Variants in ZNF407 observed in about 807,000 individuals in gnomAD.
ZNF407 encodes zinc finger protein 407.
Under a neutral mutation model 131.2 loss-of-function variants are expected in ZNF407, and 17 were observed. That is an observed-to-expected ratio of 0.13 (90% CI 0.09 to 0.19). The LOEUF is 0.19. Among genes scored for constraint, ZNF407 ranks in the 10% least tolerant of loss-of-function variants. The probability of loss-of-function intolerance (pLI) is 1.00; values close to 1 mark genes in which losing one functional copy is unlikely to be tolerated. For missense variants in ZNF407, 2,681 were observed against 2,830.6 expected (o/e 0.95, Z 1.20); for synonymous variants, 1,156 against 1,062.0 (o/e 1.09, Z -1.72).
intron 4 of ZNF407, among the ~76,000 whole-genome samples, chr18:74,817,021 T>C (rs1383723069): frequency 6.6e-6 from 1 of 152,208 alleles, no homozygotes; most frequent in East Asian, 1.9e-4. Flanking sequence ...AGGGTTGATT[T>C]TTTATTGATC....
At chr18:75,059,051 C>T (rs1973594672) in intron 8 of ZNF407, among the ~76,000 whole-genome samples, 1 of 152,202 alleles carries the variant, frequency 6.6e-6, no homozygotes, top group Admixed American at 6.5e-5. Flanking sequence ...CTCGCTGGGC[C>T]TGTGCGTGTG....
chr18:74,935,885 G>A (rs1972033992), intron 8 of ZNF407, among the ~76,000 whole-genome samples: 1 of 152,146 alleles, frequency 6.6e-6, no homozygotes, highest in Non-Finnish European at 1.5e-5. Context: ...TCTGTTTGTT[G>A]TCTTTTAATG....
At chr18:74,781,593 C>T (rs1270184874) in intron 4 of ZNF407, 91 bp downstream of exon 4, 1 of 902,310 alleles carries the variant, frequency 1.1e-6, no homozygotes, top group African/African-American at 1.8e-5. Flanking sequence ...ACTTTTTTTT[C>T]ACATCAGTTA....
intron 3 of ZNF407, among the ~76,000 whole-genome samples, chr18:74,773,710 A>G (rs1344371961): frequency 6.6e-6 from 1 of 152,232 alleles, no homozygotes; most frequent in Non-Finnish European, 1.5e-5. Flanking sequence ...ATGAAAAGAT[A>G]TACTGATTGT....
intron 4 of ZNF407, among the ~76,000 whole-genome samples, chr18:74,840,532 C>T (rs1357633813): frequency 2.0e-5 from 3 of 152,272 alleles, no homozygotes. Flanking sequence ...GTGCTTGCCT[C>T]TCTTACAGAT....
At chr18:74,883,891 G>A (rs575844907) in intron 6 of ZNF407, among the ~76,000 whole-genome samples, 14 of 152,288 alleles carry the variant, frequency 9.2e-5, no homozygotes, top group Non-Finnish European at 1.6e-4. Context: ...AATAGGTACT[G>A]TTATGTAGGA....
At chr18:74,918,347 G>A (rs1225885833) in intron 7 of ZNF407, among the ~76,000 whole-genome samples, 1 of 152,210 alleles carries the variant, frequency 6.6e-6, no homozygotes, top group African/African-American at 2.4e-5. Flanking sequence ...TACAGCCTGT[G>A]TAGCCAGCTC....
chr18:74,841,667 G>A (rs556201414), intron 4 of ZNF407, among the ~76,000 whole-genome samples: 1 of 152,348 alleles, frequency 6.6e-6, no homozygotes, highest in South Asian at 2.1e-4. Flanking sequence ...ATCATTTCAA[G>A]GCTTCTATGC....
intron 8 of ZNF407, among the ~76,000 whole-genome samples, chr18:75,058,842 C>T (rs544332193): frequency 6.2e-4 from 94 of 152,346 alleles, no homozygotes; most frequent in Non-Finnish European, 1.1e-3. Flanking sequence ...TTAAATGACA[C>T]TTGAACTTCT....
intron 3 of ZNF407, among the ~76,000 whole-genome samples, chr18:74,734,943 A>G (rs571068351): frequency 6.6e-6 from 1 of 152,224 alleles, no homozygotes; most frequent in East Asian, 1.9e-4. Context: ...TGGGCTACTT[A>G]CCTCTTAGTT....
chr18:75,064,505 G>T lies in ZNF407; in HGVS notation c.*37G>T. On this transcript the variant is annotated 3_prime_UTR_variant, in exon 9 of 9. Coordinates refer to ENST00000299687, the MANE Select transcript of ZNF407 (RefSeq NM_017757.3). ...CCTTTACTCAGCACAGGGCAGGTGT[G>T]GGAAGGTCCAGCTTCGGTGGGGGAC... is the stretch of plus-strand genomic sequence containing the variant. 7.0e-7 allele frequency: 1 copy of T among 1,437,022 alleles called. No individual in the cohort carries two copies. Among genetic ancestry groups the T allele is most frequent in the South Asian group, 1.5e-5 (1 of 66,840 alleles). 89.0% of individuals were successfully genotyped at this position (1,437,022 alleles called of 1,614,324 possible). A position where few individuals can be genotyped will look rare whatever the true frequency, so the allele number is the denominator to read the frequency against.
chr18:74,674,942 G>C (rs1986296078), intron 3 of ZNF407, among the ~76,000 whole-genome samples: 1 of 152,116 alleles, frequency 6.6e-6, no homozygotes, highest in Non-Finnish European at 1.5e-5. Flanking sequence ...CTAGTCTTGA[G>C]TTTTTTTCTT....
chr18:74,906,410 T>C (rs1971595726), intron 7 of ZNF407, among the ~76,000 whole-genome samples: 1 of 152,224 alleles, frequency 6.6e-6, no homozygotes, highest in African/African-American at 2.4e-5. Flanking sequence ...GCCCCAACTG[T>C]CAGCTGTGCT....
At chr18:74,934,996 C>G (rs1405620304) in intron 8 of ZNF407, among the ~76,000 whole-genome samples, 7 of 152,158 alleles carry the variant, frequency 4.6e-5, no homozygotes, top group Admixed American at 3.9e-4. Context: ...GTAGATGCTG[C>G]TCTTGAGTGA....
chr18:74,640,496 G>A (rs922399295), intron 2 of ZNF407, among the ~76,000 whole-genome samples: 4 of 151,990 alleles, frequency 2.6e-5, no homozygotes, highest in Admixed American at 6.6e-5. Context: ...TGGGACAAAT[G>A]CCAGGAAAAA....
At position 74,975,651 on chromosome 18, in the gene ZNF407, A is replaced by T. The variant is rs1182921084; in HGVS notation, c.5428+54959A>T. 3.3e-5 allele frequency among the ~76,000 whole-genome samples: 5 copies of T among 152,220 alleles called. No individual in the cohort carries two copies. In the East Asian group the frequency reaches 9.6e-4, roughly 29 times the overall value. On this transcript the variant is annotated intron_variant, in intron 8 of 8. Transcript: ENST00000299687. The stretch of plus-strand genomic sequence containing the variant: ...AGCTCATAGAGACCACCATTTCTCT[A>T]TAGATTACATCTCAGTGTTCAAAAA...
intron 8 of ZNF407, among the ~76,000 whole-genome samples, chr18:74,926,030 A>G (rs1364224683): frequency 6.6e-6 from 1 of 152,206 alleles, no homozygotes; most frequent in African/African-American, 2.4e-5. Context: ...TCCTAAAATA[A>G]TTAACACTTC....
intron 8 of ZNF407, among the ~76,000 whole-genome samples, chr18:74,977,257 G>T (rs749328553): frequency 6.6e-6 from 1 of 152,244 alleles, no homozygotes; most frequent in African/African-American, 2.4e-5. Flanking sequence ...GTAGATCAGC[G>T]TCAGCAATGC....
chr18:75,045,526 G>C (rs1319819428), intron 8 of ZNF407, among the ~76,000 whole-genome samples: 2 of 152,134 alleles, frequency 1.3e-5, no homozygotes, highest in Non-Finnish European at 2.9e-5. Flanking sequence ...AGCATGCCAG[G>C]CCCATCTGTG....
Sources: gnomAD v4.1 joint callset for allele counts (sites outside exome capture counted in the v4.1 genomes callset) on GRCh38, gnomAD v4.1.1 for gene constraint, MANE v1.5 for transcripts, NCBI Gene and HGNC (gene_info 2026-07-23, HGNC 2026-07-21) for gene names.